CDC42BPA: variants seen among roughly 807,000 people sequenced by gnomAD.
CDC42BPA encodes the protein CDC42 binding protein kinase alpha.
Under a neutral mutation model 223.5 loss-of-function variants are expected in CDC42BPA, and 80 were observed. The observed-to-expected ratio is 0.36, with a 90% confidence interval of 0.30 to 0.43. The LOEUF is 0.43. Among genes scored for constraint, CDC42BPA ranks in the 20% least tolerant of loss-of-function variants. The pLI, the probability that CDC42BPA is intolerant of heterozygous loss-of-function variation, is 1.00. For synonymous variants in CDC42BPA, 694 were observed against 718.6 expected (o/e 0.97, Z 0.55); for missense variants, 1,743 against 2,099.9 (o/e 0.83, Z 3.32).
intron 2 of CDC42BPA, among the ~76,000 whole-genome samples, chr1:227,243,725 G>A (rs1680395867): frequency 6.6e-6 from 1 of 151,570 alleles, no homozygotes; most frequent in Admixed American, 6.6e-5. Context: ...TCTTTGGAGA[G>A]AGGGAAATGC....
intron 6 of CDC42BPA, among the ~76,000 whole-genome samples, chr1:227,148,125 G>T (rs1318898655): frequency 1.3e-5 from 2 of 152,212 alleles, no homozygotes; most frequent in Admixed American, 1.3e-4. Flanking sequence ...AAAAAAAGTT[G>T]AGTACTTGTT....
chr1:227,248,014 T>C (rs1226544638), intron 2 of CDC42BPA, among the ~76,000 whole-genome samples: 2 of 151,958 alleles, frequency 1.3e-5, no homozygotes, highest in East Asian at 1.9e-4. Flanking sequence ...AAGCAAGAAT[T>C]AGTGAGCTTG....
At chr1:227,264,852 G>C in intron 1 of CDC42BPA, 1 of 1,527,912 alleles carries the variant, frequency 6.5e-7, no homozygotes, top group Non-Finnish European at 9.1e-7. Flanking sequence ...ATTCCTTCAG[G>C]TAAGTCTGGA....
chr1:227,232,568 G>T (rs1297499758), intron 2 of CDC42BPA, among the ~76,000 whole-genome samples: 2 of 152,132 alleles, frequency 1.3e-5, no homozygotes, highest in Admixed American at 1.3e-4. Context: ...GGTCTTTGAT[G>T]ATGGTGATGT....
At position 227,112,317 on chromosome 1, in the gene CDC42BPA, G is replaced by A; in HGVS notation, c.1996C>T (p.Leu666=). The change falls in exon 14 of 37, where the codon CTG becomes TTG. Residue 666 remains leucine (L), a synonymous_variant. Transcript: ENST00000366766. ...SKQLENELEG[L]KQKQISYSPG... is the part of the protein sequence containing the mutation. ...AATGTGAAGTCAAAAGATACCTTCA[G>A]TCCCTCCAATTCATTTTCCAGTTGC... 1 of 1,567,946 alleles carries A rather than the reference G, an allele frequency of 6.4e-7. No individual in the cohort carries two copies. Among genetic ancestry groups the A allele is most frequent in the South Asian group, 1.2e-5 (1 of 86,108 alleles).
At chr1:227,198,705 C>CT (rs1408121585) in intron 4 of CDC42BPA, among the ~76,000 whole-genome samples, 1 of 151,208 alleles carries the variant, frequency 6.6e-6, no homozygotes, top group Non-Finnish European at 1.5e-5. Context: ...TTGGAAAAAC[C>CT]TTTAATTTTA....
At chr1:227,180,806 T>C (rs915945557) in intron 5 of CDC42BPA, among the ~76,000 whole-genome samples, 1 of 152,214 alleles carries the variant, frequency 6.6e-6, no homozygotes, top group African/African-American at 2.4e-5. Context: ...CTTGTTCTAG[T>C]AGGATTCTGT....
In CDC42BPA at chr1:227,259,653, A is replaced by T. The variant is rs924954691; in HGVS notation, c.179-5498T>A. Among the ~76,000 whole-genome samples, 11 of 150,828 alleles carry T rather than the reference A, an allele frequency of 7.3e-5. 1 individual carries two copies. Among genetic ancestry groups the T allele is most frequent in the African/African-American group, 2.7e-4 (11 of 40,200 alleles). On this transcript the variant is annotated intron_variant, in intron 1 of 36. Coordinates refer to ENST00000366766, the MANE Select transcript of CDC42BPA (RefSeq NM_001394014.1). ...AGGTACATATTATTAACCCTCATTAATATTATAAGGCCTAAACATAGTATG... is the reference window on the plus strand; with the variant it reads ...AGGTACATATTATTAACCCTCATTATTATTATAAGGCCTAAACATAGTATG...
At chr1:227,187,420 A>G (rs1668952116) in intron 5 of CDC42BPA, among the ~76,000 whole-genome samples, 1 of 151,882 alleles carries the variant, frequency 6.6e-6, no homozygotes. Context: ...ACCACTTAGA[A>G]AAGAATCTCT....
At chr1:227,238,386 T>C (rs1453410446) in intron 2 of CDC42BPA, among the ~76,000 whole-genome samples, 1 of 151,452 alleles carries the variant, frequency 6.6e-6, no homozygotes, top group Non-Finnish European at 1.5e-5. Context: ...CTAAACCAGG[T>C]TTCAGCAAAC....
intron 10 of CDC42BPA, among the ~76,000 whole-genome samples, chr1:227,138,298 A>G (rs1259406606): frequency 6.6e-6 from 1 of 152,096 alleles, no homozygotes; most frequent in African/African-American, 2.4e-5. Context: ...TAGAGAAAAA[A>G]GCAGAAAAAG....
chr1:227,264,358 T>TAA (rs1684622700), intron 1 of CDC42BPA, among the ~76,000 whole-genome samples: 1 of 151,492 alleles, frequency 6.6e-6, no homozygotes, highest in African/African-American at 2.5e-5. Flanking sequence ...GATCATGTAC[T>TAA]GCTTTATTGT....
intron 14 of CDC42BPA, among the ~76,000 whole-genome samples, chr1:227,110,601 C>A (rs1375660089): frequency 1.3e-5 from 2 of 152,108 alleles, no homozygotes; most frequent in African/African-American, 4.8e-5. Flanking sequence ...AAAAATAATG[C>A]CTAAGATTTC....
At chr1:227,122,289 C>CT (rs1191713018) in intron 11 of CDC42BPA, among the ~76,000 whole-genome samples, 1 of 152,154 alleles carries the variant, frequency 6.6e-6, no homozygotes, top group Non-Finnish European at 1.5e-5. Flanking sequence ...TCTGAGCACA[C>CT]TTTCTTTCTT....
intron 23 of CDC42BPA, among the ~76,000 whole-genome samples, chr1:227,044,982 A>C (rs969633771): frequency 6.6e-6 from 1 of 152,152 alleles, no homozygotes; most frequent in Non-Finnish European, 1.5e-5. Flanking sequence ...GGTCAAACAC[A>C]CTGGAAGCCT....
Position 227,069,705 on chromosome 1 carries a change from A to G in CDC42BPA, c.2904+72T>C. Reference sequence around the variant, plus strand: ...TGGGAAGCAATAAAATGGTTTTATTATAAGTGAACTTTAAATTACAAAGTG... The same window carrying G: ...TGGGAAGCAATAAAATGGTTTTATTGTAAGTGAACTTTAAATTACAAAGTG... On this transcript the variant is annotated intron_variant, in intron 21 of 36. Transcript: ENST00000366766. 4 of 1,091,026 alleles carry G rather than the reference A, an allele frequency of 3.7e-6. No individual in the cohort carries two copies. The East Asian group carries it at 7.3e-5, about 20-fold the overall frequency. 67.6% of individuals were successfully genotyped at this position (1,091,026 alleles called of 1,614,324 possible). A position where few individuals can be genotyped will look rare whatever the true frequency, so the allele number is the denominator to read the frequency against.
chr1:227,056,534 T>C (rs1424618762), intron 21 of CDC42BPA, among the ~76,000 whole-genome samples: 5 of 152,094 alleles, frequency 3.3e-5, no homozygotes. Context: ...AACACAGGCA[T>C]GTGCCACTAT....
chr1:227,033,125 A>G (rs1474606609), intron 27 of CDC42BPA, among the ~76,000 whole-genome samples: 1 of 152,250 alleles, frequency 6.6e-6, no homozygotes, highest in African/African-American at 2.4e-5. Flanking sequence ...ATATTTTATA[A>G]GCCATATATT....
At chr1:227,204,824 G>A (rs1672375643) in intron 3 of CDC42BPA, among the ~76,000 whole-genome samples, 1 of 151,902 alleles carries the variant, frequency 6.6e-6, no homozygotes. Flanking sequence ...CTTCATCTTT[G>A]TAAGAATTCA....
Sources: gnomAD v4.1 joint callset for allele counts (sites outside exome capture counted in the v4.1 genomes callset) on GRCh38, gnomAD v4.1.1 for gene constraint, MANE v1.5 for transcripts, NCBI Gene and HGNC (gene_info 2026-07-23, HGNC 2026-07-21) for gene names.